DTWD1: variants seen among roughly 807,000 people sequenced by gnomAD.
DTWD1 encodes the protein tRNA-uridine aminocarboxypropyltransferase 1.
A neutral mutation model predicts 30.2 loss-of-function variants in DTWD1; 27 were observed. The observed-to-expected ratio is 0.90, with a 90% CI of 0.66 to 1.23. The LOEUF (loss-of-function observed/expected upper bound fraction) is 1.23. Ranked by LOEUF, DTWD1 falls within the 50% of genes most tolerant of loss-of-function variation. DTWD1 has a pLI of 0.00. For missense variants in DTWD1, 342 were observed against 348.8 expected, an observed-to-expected ratio of 0.98 and a Z score of 0.15; for synonymous variants, 99 against 113.1, an observed-to-expected ratio of 0.88 and a Z score of 0.79.
rs1398185946 is a variant in DTWD1, at chr15:49,644,515, G to C, written c.*937G>C. The C allele has an allele frequency of 6.6e-6, 1 of 152,222 alleles. No homozygotes were observed. Among genetic ancestry groups the C allele is most frequent in the Non-Finnish European group, 1.5e-5 (1 of 68,090 alleles). The allele number at this position is 152,222 out of a possible 1,614,324, so 9.4% of individuals were successfully genotyped here. A position where few individuals can be genotyped will look rare whatever the true frequency, so the allele number is the denominator to read the frequency against. On this transcript the variant is annotated 3_prime_UTR_variant, in exon 5 of 5. Transcript: ENST00000403028. Reference sequence around the variant, plus strand: ...TCTTTTCTATTCTGCTCCCTGCTCTGTGAGGTAGGTTCCTTTGCTCTCTTG... The same window carrying C: ...TCTTTTCTATTCTGCTCCCTGCTCTCTGAGGTAGGTTCCTTTGCTCTCTTG...
In DTWD1 at chr15:49,650,436, G is replaced by A. The variant is rs1222119909; in HGVS notation, c.*6858G>A. 1.3e-5 allele frequency: 2 copies of A among 152,166 alleles called. No individual in the cohort carries two copies. The highest frequency in any genetic ancestry group is 2.9e-5 in the Non-Finnish European group (2 of 68,034). The allele number at this position is 152,166 out of a possible 1,614,324, so 9.4% of individuals were successfully genotyped here. A position where few individuals can be genotyped will look rare whatever the true frequency, so the allele number is the denominator to read the frequency against. ...AGAGATGATATTTGCCTGGACAAGG[G>A]TTGTGATCATGGGCGAGTGGTACAG... On this transcript the variant is annotated 3_prime_UTR_variant, in exon 5 of 5. Transcript: ENST00000403028.
Position 49,632,230 on chromosome 15 carries a change from A to G in DTWD1, c.336A>G (p.Lys112=), listed in dbSNP as rs762346528. Residue 112 remains lysine (K), a synonymous_variant, in exon 3 of 5, where the codon AAA becomes AAG. Transcript: ENST00000403028. ...GCAAAAGTACTGCTATACATGCAAA[A>G]CTCTTAGCACCTGAATTTGTAAACA... is the stretch of plus-strand genomic sequence containing the variant. ...TDGKSTAIHA[K]LLAPEFVNIY... 26 of 1,600,536 alleles carry G rather than the reference A, an allele frequency of 1.6e-5. No individual in the cohort carries two copies. The highest frequency in any genetic ancestry group is 2.3e-5 in the East Asian group (1 of 44,300).
intron 1 of DTWD1, among the ~76,000 whole-genome samples, chr15:49,622,487 G>T (rs1488934801): frequency 6.6e-6 from 1 of 152,204 alleles, no homozygotes; most frequent in East Asian, 1.9e-4. Flanking sequence ...AAAAATTAAT[G>T]TATTTTTAGC....
At chr15:49,641,826 T>C (rs1406189430) in intron 4 of DTWD1, among the ~76,000 whole-genome samples, 2 of 152,142 alleles carry the variant, frequency 1.3e-5, no homozygotes, top group African/African-American at 4.8e-5. Context: ...TTGTATATGA[T>C]CTGTCCCTTC....
chr15:49,626,148 T>G (rs1439720266), intron 2 of DTWD1, among the ~76,000 whole-genome samples: 1 of 152,042 alleles, frequency 6.6e-6, no homozygotes, highest in Non-Finnish European at 1.5e-5. Context: ...AAAAAATGTG[T>G]GATATAAACT....
Position 49,643,569 on chromosome 15 carries a change from T to TA in DTWD1, c.907dup (p.Thr303AsnfsTer34). The TA allele has an allele frequency of 6.3e-7, 1 of 1,590,212 alleles. No homozygotes were observed. The highest frequency in any genetic ancestry group is 8.5e-7 in the Non-Finnish European group (1 of 1,171,082). ...CTGGAGATAAGGAAACAGGAAAACT[T>TA]ACACATTAGTTTTTAACAAGCCACT... On this transcript the variant is annotated frameshift_variant, in exon 5 of 5. Transcript: ENST00000403028. LOFTEE classifies it high-confidence loss of function.
intron 4 of DTWD1, among the ~76,000 whole-genome samples, chr15:49,639,886 A>G (rs538127786): frequency 1.3e-5 from 2 of 152,294 alleles, no homozygotes; most frequent in South Asian, 2.1e-4. Flanking sequence ...TCAAGCTCCA[A>G]TTCCTTCACT....
intron 1 of DTWD1, among the ~76,000 whole-genome samples, chr15:49,624,083 T>C (rs934068725): frequency 3.9e-5 from 6 of 152,140 alleles, no homozygotes; most frequent in South Asian, 2.1e-4. Context: ...ATTCATTTGA[T>C]GAGTAATTAA....
chr15:49,628,994 AC>A (rs1462862371), intron 2 of DTWD1, among the ~76,000 whole-genome samples: 1 of 150,844 alleles, frequency 6.6e-6, no homozygotes, highest in Non-Finnish European at 1.5e-5. Flanking sequence ...CTAGCTCCCC[AC>A]CCCCAGACGG....
chr15:49,641,594 T>C (rs1398177652), intron 4 of DTWD1, among the ~76,000 whole-genome samples: 1 of 152,158 alleles, frequency 6.6e-6, no homozygotes, highest in Non-Finnish European at 1.5e-5. Context: ...ATACATCCTT[T>C]AGGAATTCCT....
Position 49,644,466 on chromosome 15 carries a change from C to T in DTWD1, c.*888C>T, listed in dbSNP as rs1334279962. ...CTAGCTGCTTGTGAATAGAGCCCTA[C>T]TGTGCTGAATAGCTTCTGTCTGCTC... On this transcript the variant is annotated 3_prime_UTR_variant, in exon 5 of 5. Coordinates refer to ENST00000403028, the MANE Select transcript of DTWD1 (RefSeq NM_001144955.2). 6.6e-6 allele frequency: 1 copy of T among 152,190 alleles called. No individual in the cohort carries two copies. Among genetic ancestry groups the T allele is most frequent in the Admixed American group, 6.6e-5 (1 of 15,252 alleles). The allele number at this position is 152,190 out of a possible 1,614,324, so 9.4% of individuals were successfully genotyped here. A position where few individuals can be genotyped will look rare whatever the true frequency, so the allele number is the denominator to read the frequency against.
rs146686608 is a variant in DTWD1 at position 49,633,602 on chromosome 15, C to T, written c.409-934C>T. On this transcript the variant is annotated intron_variant, in intron 3 of 4. Coordinates refer to ENST00000403028, the MANE Select transcript of DTWD1 (RefSeq NM_001144955.2). Reference sequence around the variant, plus strand: ...CTCTCACCTTGGCCTCCCAAAGTGCCGGGATTACAGGTATGAGCCACTGTG... The same window carrying T: ...CTCTCACCTTGGCCTCCCAAAGTGCTGGGATTACAGGTATGAGCCACTGTG... 2.2e-3 allele frequency: 615 copies of T among 282,256 alleles called. 4 individuals are homozygous for T. Among genetic ancestry groups the T allele is most frequent in the African/African-American group, 0.013 (569 of 42,884 alleles). The allele number at this position is 282,256 out of a possible 1,614,324, so 17.5% of individuals were successfully genotyped here.
At chr15:49,630,590 A>G (rs888599098) in intron 2 of DTWD1, among the ~76,000 whole-genome samples, 1 of 152,260 alleles carries the variant, frequency 6.6e-6, no homozygotes, top group African/African-American at 2.4e-5. Context: ...AAACCAAAAA[A>G]GCCAAAGTGA....
intron 2 of DTWD1, chr15:49,630,941 T>C (rs966825169): frequency 3.5e-5 from 15 of 428,440 alleles, no homozygotes; most frequent in Non-Finnish European, 6.2e-5. Flanking sequence ...GGGACCTAGA[T>C]TGCATGCTCC....
At chr15:49,639,601 A>G (rs1353520782) in intron 4 of DTWD1, among the ~76,000 whole-genome samples, 1 of 152,200 alleles carries the variant, frequency 6.6e-6, no homozygotes, top group Admixed American at 6.6e-5. Context: ...ATTTTATTAT[A>G]AAGTTACTGA....
At chr15:49,633,402 A>C (rs1024296260) in intron 3 of DTWD1, 2 of 152,858 alleles carry the variant, frequency 1.3e-5, no homozygotes, top group Non-Finnish European at 2.9e-5. Flanking sequence ...TGGCATGATC[A>C]CAGCTTGCTG....
In DTWD1 at chr15:49,648,918, C is replaced by T. The variant is rs1254785315; in HGVS notation, c.*5340C>T. The T allele has an allele frequency of 6.6e-6, 1 of 152,044 alleles. No individual in the cohort carries two copies. Among genetic ancestry groups the T allele is most frequent in the Non-Finnish European group, 1.5e-5 (1 of 68,010 alleles). The allele number at this position is 152,044 out of a possible 1,614,324, so 9.4% of individuals were successfully genotyped here. On this transcript the variant is annotated 3_prime_UTR_variant, in exon 5 of 5. Transcript: ENST00000403028. Reference sequence around the variant, plus strand: ...TTTGTTTATTTTCACTTGAAGAGATCTCTCAGAAAGTCAAAGAAAATAGGA... The same window carrying T: ...TTTGTTTATTTTCACTTGAAGAGATTTCTCAGAAAGTCAAAGAAAATAGGA...
At chr15:49,630,286 CTTA>C (rs1275730446) in intron 2 of DTWD1, among the ~76,000 whole-genome samples, 5 of 152,050 alleles carry the variant, frequency 3.3e-5, no homozygotes. Flanking sequence ...TATGTTAAAA[CTTA>C]TTAGATTGTA....
In DTWD1 at chr15:49,633,223, C is replaced by T. The variant is rs934898316; in HGVS notation, c.408+921C>T. Among the ~76,000 whole-genome samples the T allele has an allele frequency of 4.6e-5, 7 of 151,540 alleles. No individual in the cohort carries two copies. The East Asian group carries it at 9.7e-4, about 21-fold the overall frequency. On this transcript the variant is annotated intron_variant, in intron 3 of 4. Coordinates refer to ENST00000403028, the MANE Select transcript of DTWD1 (RefSeq NM_001144955.2). ...CTATGTTCTGTAAGGAGATGTGATA[C>T]GCTTATAATTTAAGAAAATTCAGAA...
Sources: gnomAD v4.1 joint callset for allele counts (sites outside exome capture counted in the v4.1 genomes callset) on GRCh38, gnomAD v4.1.1 for gene constraint, MANE v1.5 for transcripts, NCBI Gene and HGNC (gene_info 2026-07-23, HGNC 2026-07-21) for gene names.